The following PLCH1 variants were observed in gnomAD, a reference collection of about 807,000 sequenced individuals.
PLCH1 encodes phospholipase C eta 1, also known as 1-phosphatidylinositol 4,5-bisphosphate phosphodiesterase eta-1.
Under a neutral mutation model 126.7 loss-of-function variants are expected in PLCH1, and 60 were observed. That is an observed-to-expected ratio of 0.47 (90% CI 0.38 to 0.59). PLCH1 has a LOEUF of 0.59. Among genes scored for constraint, PLCH1 ranks in the 20% least tolerant of loss-of-function variants. PLCH1 has a pLI of 0.00. For synonymous variants in PLCH1, 719 were observed against 734.9 expected (o/e 0.98, Z 0.35); for missense variants, 1,723 against 2,040.0 (o/e 0.84, Z 2.99).
In PLCH1 at chr3:155,455,345, C is replaced by T. The variant is rs116646145; in HGVS notation, c.2938+30011G>A. Among the ~76,000 whole-genome samples, 1,518 of 152,240 alleles carry T rather than the reference C, an allele frequency of 1.0e-2. 28 individuals carry two copies. Among genetic ancestry groups the T allele is most frequent in the African/African-American group, 0.035 (1,444 of 41,520 alleles). ...GATGCTGTCTTGTCCCCAAGATGGT[C>T]CCTACATGTGGCATGATTAGAAAAT... On this transcript the variant is annotated intron_variant, in intron 21 of 21. Coordinates refer to the PLCH1 transcript ENST00000494598.
intron 21 of PLCH1, among the ~76,000 whole-genome samples, chr3:155,452,235 C>T (rs1021379439): frequency 6.6e-6 from 1 of 152,068 alleles, no homozygotes; most frequent in Non-Finnish European, 1.5e-5. Context: ...GATGCAAAAG[C>T]AAAAATCCTT....
chr3:155,566,011 T>C (rs1365255380), intron 7 of PLCH1, among the ~76,000 whole-genome samples: 1 of 150,228 alleles, frequency 6.7e-6, no homozygotes, highest in Non-Finnish European at 1.5e-5. Context: ...TATTTCCTAA[T>C]GGCAACACAA....
intron 1 of PLCH1, among the ~76,000 whole-genome samples, chr3:155,726,941 C>T (rs1227982775): frequency 1.4e-5 from 2 of 146,218 alleles, no homozygotes; most frequent in Non-Finnish European, 1.5e-5. Flanking sequence ...AGGATGGTCT[C>T]GAACTCCTGA....
intron 2 of PLCH1, among the ~76,000 whole-genome samples, chr3:155,642,355 T>A (rs980433433): frequency 6.6e-6 from 1 of 152,168 alleles, no homozygotes; most frequent in African/African-American, 2.4e-5. Flanking sequence ...AATTGCAGAC[T>A]CTCCCACACT....
chr3:155,676,303 C>T (rs375198942), intron 2 of PLCH1: 32 of 1,142,510 alleles, frequency 2.8e-5, no homozygotes, highest in East Asian at 4.3e-5. Flanking sequence ...CAGATAAGCA[C>T]GCTGGAAGCA....
At chr3:155,676,821 G>A (rs1043817392) in intron 2 of PLCH1, among the ~76,000 whole-genome samples, 10 of 151,632 alleles carry the variant, frequency 6.6e-5, no homozygotes, top group African/African-American at 2.0e-4. Context: ...CTTACTCGGT[G>A]GAGGCTATTT....
chr3:155,565,205 T>G, intron 7 of PLCH1, 87 bp from the exon 8 acceptor site: 2 of 774,876 alleles, frequency 2.6e-6, no homozygotes, highest in Non-Finnish European at 4.4e-6. Flanking sequence ...TCAAAAAATG[T>G]TCATAATGAT....
intron 2 of PLCH1, among the ~76,000 whole-genome samples, chr3:155,670,192 A>G (rs1253635787): frequency 6.6e-6 from 1 of 152,074 alleles, no homozygotes; most frequent in Non-Finnish European, 1.5e-5. Context: ...AGACATAAAG[A>G]TGAAATGCAA....
intron 2 of PLCH1, among the ~76,000 whole-genome samples, chr3:155,663,739 C>A (rs920397030): frequency 6.6e-6 from 1 of 152,110 alleles, no homozygotes; most frequent in Non-Finnish European, 1.5e-5. Flanking sequence ...ACATTAGCTC[C>A]ATGAACTTCC....
At chr3:155,587,481 A>C (rs938230276) in intron 4 of PLCH1, among the ~76,000 whole-genome samples, 4 of 152,202 alleles carry the variant, frequency 2.6e-5, no homozygotes, top group Admixed American at 1.3e-4. Context: ...TACCTGATTT[A>C]GCACACTCTT....
intron 21 of PLCH1, among the ~76,000 whole-genome samples, chr3:155,458,996 G>A (rs1425594559): frequency 6.6e-6 from 1 of 152,272 alleles, no homozygotes. Flanking sequence ...AGAAACCAAC[G>A]CTGAGAAAAC....
At chr3:155,593,739 A>G (rs1732506988) in intron 4 of PLCH1, among the ~76,000 whole-genome samples, 1 of 152,204 alleles carries the variant, frequency 6.6e-6, no homozygotes, top group African/African-American at 2.4e-5. Context: ...CTGAGTTCAT[A>G]CAAGCTTAAG....
Position 155,583,484 on chromosome 3 carries a change from C to A in PLCH1, c.759G>T (p.Lys253Asn). 1 of 1,603,082 alleles carries A rather than the reference C, an allele frequency of 6.2e-7. No individual in the cohort carries two copies. Among genetic ancestry groups the A allele is most frequent in the South Asian group, 1.1e-5 (1 of 88,670 alleles). Residue 253 changes from lysine (K) to asparagine (N), a missense_variant, in exon 6 of 23, where the codon AAG becomes AAT. Transcript: ENST00000460012. ...LTVEELAQFL[K>N]VEQKMNNVTT... ...AGTCTAATGATACCTTTTGCTCCAC[C>A]TTCAAAAACTGAGCCAGTTCTTCCA...
chr3:155,652,923 C>T (rs972121741), intron 2 of PLCH1, among the ~76,000 whole-genome samples: 2 of 152,132 alleles, frequency 1.3e-5, no homozygotes, highest in Admixed American at 1.3e-4. Context: ...AATAATCTGT[C>T]CTCCACCTAC....
chr3:155,632,313 A>G (rs1389889353), intron 2 of PLCH1, among the ~76,000 whole-genome samples: 1 of 152,204 alleles, frequency 6.6e-6, no homozygotes, highest in African/African-American at 2.4e-5. Context: ...ATATCTCCAT[A>G]TCAAGAAAAA....
chr3:155,665,260 C>A (rs1189545769), intron 2 of PLCH1, among the ~76,000 whole-genome samples: 4 of 152,138 alleles, frequency 2.6e-5, no homozygotes, highest in African/African-American at 9.7e-5. Flanking sequence ...ACTGGGAAAG[C>A]AGTAAGAAAT....
chr3:155,675,106 G>C (rs1354412292), intron 2 of PLCH1, among the ~76,000 whole-genome samples: 1 of 152,066 alleles, frequency 6.6e-6, no homozygotes, highest in Non-Finnish European at 1.5e-5. Flanking sequence ...TTTATGTTTT[G>C]AATAAAAAGC....
chr3:155,485,686 C>G lies in PLCH1; in HGVS notation c.2644G>C (p.Gly882Arg), dbSNP rs1362873523. 2.5e-6 allele frequency: 4 copies of G among 1,600,528 alleles called. No individual in the cohort carries two copies. The highest frequency in any genetic ancestry group is 3.4e-6 in the Non-Finnish European group (4 of 1,178,326). ...TGCCTAGGATTCTTATTGAACAGTC[C>G]CTTCAGACCCTGGAGTTGTCTGTTC... is the stretch of plus-strand genomic sequence containing the variant. Reference protein sequence around the residue: ...GKNRQLQGLKGLFNKNPRHSS... With the variant: ...GKNRQLQGLKRLFNKNPRHSS... The change falls in exon 22 of 23, where the codon GGA becomes CGA. Residue 882 changes from glycine to arginine, a missense_variant. By Grantham distance (125) the Gly-to-Arg change is moderately radical. Around this residue, in one of 2 missense-constraint regions of PLCH1, gnomAD observed 947 missense variants for 977.1 expected, o/e 0.97. Coordinates refer to ENST00000460012, the MANE Select transcript of PLCH1 (RefSeq NM_014996.4).
intron 2 of PLCH1, among the ~76,000 whole-genome samples, chr3:155,648,100 A>G (rs138063870): frequency 1.3e-5 from 2 of 152,380 alleles, no homozygotes; most frequent in African/African-American, 2.4e-5. Flanking sequence ...GGAGAAAAGC[A>G]TAATGTAACT....
Sources: allele counts gnomAD v4.1 joint callset (sites outside exome capture counted in the v4.1 genomes callset), GRCh38; gene constraint gnomAD v4.1.1; regional missense constraint gnomAD v4.1.1; transcripts MANE v1.5; gene names NCBI Gene and HGNC (gene_info 2026-07-23, HGNC 2026-07-21).